MAGED1: variants seen among roughly 807,000 people sequenced by gnomAD.
The protein encoded by MAGED1 is MAGE family member D1.
Under a neutral mutation model 54.1 loss-of-function variants are expected in MAGED1, and 3 were observed. The ratio of observed to expected loss-of-function variants is 0.06; its 90% CI spans 0.03 to 0.14. The LOEUF is 0.14. MAGED1 is among the 10% of genes least tolerant of loss of function. MAGED1 has a pLI of 1.00. For missense variants in MAGED1, 485 were observed against 623.4 expected, an observed-to-expected ratio of 0.78 and a Z score of 2.36; for synonymous variants, 217 against 227.3, an observed-to-expected ratio of 0.95 and a Z score of 0.41.
At chrX:51,891,353 A>G (rs906890468), upstream of MAGED1, among the ~76,000 whole-genome samples, 3 of 112,817 alleles carry the variant, frequency 2.7e-5, no homozygotes, top group Admixed American at 9.3e-5. Context: ...GTAGCACCAA[A>G]TCTAAGCAAT....
chrX:51,845,959 A>G (rs1452140860), intron 1 of MAGED1, among the ~76,000 whole-genome samples: 1 of 110,331 alleles, frequency 9.1e-6, no homozygotes, highest in Non-Finnish European at 1.9e-5. Flanking sequence ...TACTTTTTGT[A>G]GAGATGGGTT....
chrX:51,886,161 A>G (rs146482798), intron 1 of MAGED1, among the ~76,000 whole-genome samples: 2,002 of 107,674 alleles, frequency 0.019, 24 homozygotes, highest in Non-Finnish European at 0.029. Flanking sequence ...GGGGTTGTTT[A>G]AGGGGTACAA....
intron 1 of MAGED1, among the ~76,000 whole-genome samples, chrX:51,834,323 C>T (rs1315162862): frequency 1.8e-5 from 2 of 111,673 alleles, no homozygotes; most frequent in Non-Finnish European, 3.8e-5. Flanking sequence ...AGCCCCACCC[C>T]TAACCACCAT....
chrX:51,820,590 G>T (rs1189123114), intron 1 of MAGED1, among the ~76,000 whole-genome samples: 1 of 111,058 alleles, frequency 9.0e-6, no homozygotes, highest in African/African-American at 3.3e-5. Flanking sequence ...TACTGTAAAT[G>T]GACTTGTTTT....
intron 1 of MAGED1, among the ~76,000 whole-genome samples, chrX:51,883,626 G>A (rs964421396): frequency 9.8e-5 from 11 of 111,942 alleles, no homozygotes; most frequent in African/African-American, 2.3e-4. Context: ...GACAAAAGAC[G>A]GTCAACACAC....
At chrX:51,864,840 A>T (rs1342431854) in intron 1 of MAGED1, among the ~76,000 whole-genome samples, 1 of 111,903 alleles carries the variant, frequency 8.9e-6, no homozygotes, top group African/African-American at 3.2e-5. Context: ...TAGTTCTAAT[A>T]GTTTGTTTTA....
intron 1 of MAGED1, among the ~76,000 whole-genome samples, chrX:51,844,179 T>A (rs1557359030): frequency 9.0e-6 from 1 of 111,583 alleles, no homozygotes; most frequent in Non-Finnish European, 1.9e-5. Context: ...GTTCCCAAAT[T>A]GTTTCTATGG....
intron 1 of MAGED1, among the ~76,000 whole-genome samples, chrX:51,809,791 G>A (rs1557355421): frequency 9.0e-6 from 1 of 111,169 alleles, no homozygotes; most frequent in African/African-American, 3.3e-5. Flanking sequence ...AGCCATTGAT[G>A]ATAATTGCCT....
intron 1 of MAGED1, among the ~76,000 whole-genome samples, chrX:51,818,114 C>T (rs1925498861): frequency 8.9e-6 from 1 of 111,890 alleles, no homozygotes; most frequent in Admixed American, 9.4e-5. Flanking sequence ...GTTTTAGCAA[C>T]TTCCTCATTT....
rs1238159778 is a variant in MAGED1 at position 51,902,336 on chromosome X, A to G, written c.*199A>G. On this transcript the variant is annotated 3_prime_UTR_variant, in exon 13 of 13. Transcript: ENST00000326587. Reference sequence around the variant, plus strand: ...TCAAGTTTTGGTATCAGAAATAAACATTGAAATTGCAAAGTGAATTAGATG... The same window carrying G: ...TCAAGTTTTGGTATCAGAAATAAACGTTGAAATTGCAAAGTGAATTAGATG... 1 of 123,099 alleles carries G rather than the reference A, an allele frequency of 8.1e-6. No individual in the cohort carries two copies. The highest frequency in any genetic ancestry group is 1.6e-5 in the Non-Finnish European group (1 of 61,089). 10.1% of individuals were successfully genotyped at this position (123,099 alleles called of 1,213,427 possible). A position where few individuals can be genotyped will look rare whatever the true frequency, so the allele number is the denominator to read the frequency against.
In MAGED1 at chrX:51,895,034, T is replaced by C. The variant is rs782744189; in HGVS notation, c.46-19T>C. ...CTCAGAGGCCCAGAGATTTAATTTTTTCCCCCCTGTGTTTGCAGGCTGAGG... is the reference window on the plus strand; with the variant it reads ...CTCAGAGGCCCAGAGATTTAATTTTCTCCCCCCTGTGTTTGCAGGCTGAGG... On this transcript the variant is annotated intron_variant, in intron 2 of 12. Transcript: ENST00000326587. 12 of 1,162,638 alleles carry C rather than the reference T, an allele frequency of 1.0e-5. No homozygotes were observed. The Admixed American group carries it at 2.4e-4, about 23-fold the overall frequency.
rs782007617 is a variant in MAGED1, at chrX:51,895,640, C to G, written c.633C>G (p.Asp211Glu). Residue 211 changes from aspartate (D) to glutamate (E), a missense_variant, in exon 3 of 13, where the codon GAC (aspartate) becomes GAG (glutamate). Transcript: ENST00000326587. ...NQAKMATSQA[D>E]IETDPGISEP... Reference sequence around the variant, plus strand: ...CCAAAATGGCCACTTCCCAGGCTGACATAGAGACCGACCCAGGTATCTCTG... The same window carrying G: ...CCAAAATGGCCACTTCCCAGGCTGAGATAGAGACCGACCCAGGTATCTCTG... 4.2e-5 allele frequency: 51 copies of G among 1,208,871 alleles called. No individual in the cohort carries two copies. The highest frequency in any genetic ancestry group is 5.7e-5 in the Non-Finnish European group (51 of 894,593).
At chrX:51,860,228 G>A (rs1927230907) in intron 1 of MAGED1, among the ~76,000 whole-genome samples, 1 of 111,414 alleles carries the variant, frequency 9.0e-6, no homozygotes, top group Non-Finnish European at 1.9e-5. Flanking sequence ...TCACGCCACT[G>A]CACTCCAGCC....
chrX:51,862,839 A>G (rs1376636537), intron 1 of MAGED1, among the ~76,000 whole-genome samples: 2 of 111,774 alleles, frequency 1.8e-5, no homozygotes, highest in African/African-American at 6.5e-5. Context: ...TCTCAGAGTT[A>G]TAGTTGACAA....
rs1184123102 is a variant in MAGED1, at chrX:51,896,809, G to T, written c.1154G>T (p.Gly385Val). The T allele has an allele frequency of 5.4e-5, 65 of 1,206,277 alleles. No individual in the cohort carries two copies. Among genetic ancestry groups the T allele is most frequent in the Non-Finnish European group, 7.3e-5 (65 of 893,138 alleles). The change falls in exon 4 of 13, where the codon GGA becomes GTA. Residue 385 changes from glycine to valine, a missense_variant. Transcript: ENST00000326587. ...QNPPGWQTPP[G>V]WQTPPGWQGP... ...CCACCTGGATGGCAGACTCCACCTGGATGGCAGACCCCACCGGGCTGGCAG... is the reference window on the plus strand; with the variant it reads ...CCACCTGGATGGCAGACTCCACCTGTATGGCAGACCCCACCGGGCTGGCAG...
At position 51,901,652 on chromosome X, in the gene MAGED1, C is replaced by A. The variant is rs3199687; in HGVS notation, c.2059C>A (p.Arg687=). The A allele has an allele frequency of 0.16, 198,455 of 1,208,316 alleles. 11,696 individuals carry two copies. The highest frequency in any genetic ancestry group is 0.18 in the Non-Finnish European group (163,214 of 894,396). ...LDAAAAEAEA[R]AEARTRMGIG... is the part of the protein sequence containing the mutation. ...TGCTGCTGCAGCTGAGGCCGAAGCCCGGGCTGAAGCAAGAACCCGCATGGG... is the reference window on the plus strand; with the variant it reads ...TGCTGCTGCAGCTGAGGCCGAAGCCAGGGCTGAAGCAAGAACCCGCATGGG... Residue 687 remains arginine, a synonymous_variant, in exon 12 of 13, where the codon CGG becomes AGG. Transcript: ENST00000326587.
rs1557363881 is a variant in MAGED1, at chrX:51,894,356, T to G, written c.45+7T>G. ...GGGCCTCCTCGGCTTCCAGGTGAGA[T>G]CTCCACTCCCCACCCCACCATTTCC... On this transcript the variant is annotated splice_region_variant and intron_variant, in intron 2 of 12. Coordinates refer to ENST00000326587, the MANE Select transcript of MAGED1 (RefSeq NM_006986.4). 2 of 1,195,779 alleles carry G rather than the reference T, an allele frequency of 1.7e-6. No homozygotes were observed. Among genetic ancestry groups the G allele is most frequent in the South Asian group, 3.7e-5 (2 of 54,721 alleles).
At chrX:51,862,262 C>A (rs1260820878) in intron 1 of MAGED1, among the ~76,000 whole-genome samples, 2 of 111,412 alleles carry the variant, frequency 1.8e-5, no homozygotes, top group Non-Finnish European at 3.8e-5. Context: ...TTTGTGAGCT[C>A]CATAAGGACA....
chrX:51,812,926 CT>C lies in MAGED1; in HGVS notation c.-37+9824del, dbSNP rs782006688. Among the ~76,000 whole-genome samples, 825 of 92,018 alleles carry C rather than the reference CT, an allele frequency of 9.0e-3. 1 individual carries two copies. The highest frequency in any genetic ancestry group is 0.026 in the East Asian group (79 of 3,012). The allele number at this position is 92,018 out of a possible 115,157, so 79.9% of individuals were successfully genotyped here. A position where few individuals can be genotyped will look rare whatever the true frequency, so the allele number is the denominator to read the frequency against. On this transcript the variant is annotated intron_variant, in intron 1 of 12. Transcript: ENST00000375772. ...ATCCTTGCTAACACTTGTTGTTTTC[CT>C]TTTTTTTTTTTTTTAAATTACAACC...
Sources: allele counts gnomAD v4.1 joint callset (sites outside exome capture counted in the v4.1 genomes callset), GRCh38; gene constraint gnomAD v4.1.1; transcripts MANE v1.5; gene names NCBI Gene and HGNC (gene_info 2026-07-23, HGNC 2026-07-21).